SCAPER: variants seen among roughly 807,000 people sequenced by gnomAD.
The protein encoded by SCAPER is S-phase cyclin A associated protein in the ER.
A neutral mutation model predicts 182.2 loss-of-function variants in SCAPER; 98 were observed. The observed-to-expected ratio is 0.54, with a 90% CI of 0.46 to 0.64. The LOEUF is 0.64. SCAPER is among the 30% of genes least tolerant of loss of function. The probability of loss-of-function intolerance (pLI) is 0.00; values close to 1 mark genes in which losing one functional copy is unlikely to be tolerated. For missense variants in SCAPER, 1,432 were observed against 1,690.0 expected, an observed-to-expected ratio of 0.85 and a Z score of 2.68; for synonymous variants, 605 against 564.6, an observed-to-expected ratio of 1.07 and a Z score of -1.01.
At chr15:76,637,449 C>A (rs1234114782) in intron 21 of SCAPER, among the ~76,000 whole-genome samples, 1 of 151,876 alleles carries the variant, frequency 6.6e-6, no homozygotes, top group Non-Finnish European at 1.5e-5. Context: ...CAGTGGCTCA[C>A]CACCTGTAAC....
chr15:76,905,195 C>G (rs1383456233), intron 1 of SCAPER, 104 bp downstream of exon 1: 1 of 165,886 alleles, frequency 6.0e-6, no homozygotes, highest in Admixed American at 6.5e-5. Context: ...GGGCGTACCC[C>G]GCCGCCATTT....
intron 23 of SCAPER, among the ~76,000 whole-genome samples, chr15:76,513,826 T>C (rs1314127475): frequency 1.3e-5 from 2 of 152,224 alleles, no homozygotes; most frequent in East Asian, 1.9e-4. Flanking sequence ...CCTTTCCAAC[T>C]TGTAGTGTTC....
chr15:76,734,221 G>C (rs2061101652), intron 15 of SCAPER, among the ~76,000 whole-genome samples: 1 of 152,190 alleles, frequency 6.6e-6, no homozygotes, highest in Non-Finnish European at 1.5e-5. Context: ...ATCCTTAATA[G>C]TCAAGTTTTG....
chr15:76,811,435 A>G (rs2066613786), intron 5 of SCAPER, among the ~76,000 whole-genome samples: 2 of 152,222 alleles, frequency 1.3e-5, no homozygotes, highest in African/African-American at 4.8e-5. Context: ...AAAGTTTTAA[A>G]ATATCTTGAG....
At chr15:76,625,940 GA>G (rs1359965521) in intron 21 of SCAPER, among the ~76,000 whole-genome samples, 1 of 152,132 alleles carries the variant, frequency 6.6e-6, no homozygotes, top group African/African-American at 2.4e-5. Context: ...GGAAGAAGAA[GA>G]ACTGTCTGGG....
At chr15:76,729,012 T>TA (rs1170903825) in intron 16 of SCAPER, among the ~76,000 whole-genome samples, 1 of 152,106 alleles carries the variant, frequency 6.6e-6, no homozygotes, top group East Asian at 1.9e-4. Flanking sequence ...TTGTGATGGT[T>TA]AATCAGCTGC....
At chr15:76,681,011 G>C (rs112934039) in intron 20 of SCAPER, among the ~76,000 whole-genome samples, 72 of 152,260 alleles carry the variant, frequency 4.7e-4, no homozygotes, top group African/African-American at 1.6e-3. Flanking sequence ...GGTGAGACAA[G>C]AGAAAAATCA....
intron 2 of SCAPER, among the ~76,000 whole-genome samples, chr15:76,868,125 C>T (rs953773898): frequency 6.6e-6 from 1 of 152,110 alleles, no homozygotes; most frequent in African/African-American, 2.4e-5. Context: ...AAGAAATAAA[C>T]TACTAATCTG....
chr15:76,396,048 G>C (rs1286016987), intron 27 of SCAPER, among the ~76,000 whole-genome samples: 1 of 152,128 alleles, frequency 6.6e-6, no homozygotes, highest in Non-Finnish European at 1.5e-5. Context: ...TCATTCTTCT[G>C]CATATGGATA....
In SCAPER at chr15:76,713,343, G is replaced by A. The variant is rs1053445066; in HGVS notation, c.2166-7359C>T. Among the ~76,000 whole-genome samples the A allele has an allele frequency of 6.7e-4, 102 of 151,888 alleles. 1 individual carries two copies. Among genetic ancestry groups the A allele is most frequent in the Non-Finnish European group, 8.4e-4 (57 of 67,966 alleles). ...ACACATGCACACATATGTTTATTGC[G>A]GCACTATTCACAATAGCAAAGACTT... On this transcript the variant is annotated intron_variant, in intron 17 of 31. Transcript: ENST00000563290.
intron 16 of SCAPER, among the ~76,000 whole-genome samples, chr15:76,729,603 T>C (rs2151028338): frequency 6.6e-6 from 1 of 152,228 alleles, no homozygotes; most frequent in Middle Eastern, 3.4e-3. Flanking sequence ...TTCCCTGGTT[T>C]TGTTTCCTGA....
intron 22 of SCAPER, among the ~76,000 whole-genome samples, chr15:76,615,482 C>T (rs958211015): frequency 2.6e-5 from 3 of 114,980 alleles, no homozygotes; most frequent in African/African-American, 9.7e-5. Flanking sequence ...TATACATACA[C>T]ACACACACAG....
intron 25 of SCAPER, among the ~76,000 whole-genome samples, chr15:76,439,087 A>ATT (rs547381211): frequency 9.1e-4 from 134 of 146,932 alleles, no homozygotes; most frequent in African/African-American, 3.0e-3. Context: ...AGACAAAATG[A>ATT]TTTTTTTTTT....
chr15:76,457,147 C>T (rs1432516681), intron 25 of SCAPER, among the ~76,000 whole-genome samples: 1 of 152,004 alleles, frequency 6.6e-6, no homozygotes, highest in Non-Finnish European at 1.5e-5. Context: ...GCCGCAACCT[C>T]CGCCTCCCGG....
chr15:76,778,727 A>C (rs1030777056), intron 8 of SCAPER, among the ~76,000 whole-genome samples: 2 of 151,906 alleles, frequency 1.3e-5, no homozygotes, highest in Admixed American at 1.3e-4. Flanking sequence ...TATTAGTTTA[A>C]GTACATTTTT....
intron 1 of SCAPER, among the ~76,000 whole-genome samples, chr15:76,887,715 C>G (rs1294431312): frequency 6.6e-6 from 1 of 152,252 alleles, no homozygotes; most frequent in African/African-American, 2.4e-5. Flanking sequence ...GACTCCACCT[C>G]TGTGGGCAGG....
chr15:76,709,783 G>A (rs1409144458), intron 17 of SCAPER, among the ~76,000 whole-genome samples: 2 of 152,106 alleles, frequency 1.3e-5, no homozygotes, highest in African/African-American at 4.8e-5. Flanking sequence ...ACATGCCCTT[G>A]GCAAGAAGCC....
intron 1 of SCAPER, among the ~76,000 whole-genome samples, chr15:76,884,767 T>C (rs753069424): frequency 7.2e-5 from 11 of 152,124 alleles, no homozygotes; most frequent in Admixed American, 1.3e-4. Flanking sequence ...CCCAAATACC[T>C]ATCAACTGAT....
intron 9 of SCAPER, among the ~76,000 whole-genome samples, chr15:76,772,772 C>T (rs1289476659): frequency 2.0e-5 from 3 of 151,800 alleles, no homozygotes; most frequent in Non-Finnish European, 3.0e-5. Context: ...TTACTTTGGA[C>T]AGAGAAGAGA....
Sources: gnomAD v4.1 joint callset for allele counts (sites outside exome capture counted in the v4.1 genomes callset) on GRCh38, gnomAD v4.1.1 for gene constraint, MANE v1.5 for transcripts, NCBI Gene and HGNC (gene_info 2026-07-23, HGNC 2026-07-21) for gene names.